The following CHST11 variants were observed in gnomAD, a reference collection of about 807,000 sequenced individuals.
CHST11 encodes the protein C4S-1.
A neutral mutation model predicts 30.4 loss-of-function variants in CHST11; 9 were observed. The observed-to-expected ratio is 0.30, with a 90% CI of 0.18 to 0.52. CHST11 has a LOEUF of 0.52. CHST11 is among the 20% of genes least tolerant of loss of function. The probability of loss-of-function intolerance (pLI) is 0.97; values close to 1 mark genes in which losing one functional copy is unlikely to be tolerated. For missense variants in CHST11, 348 were observed against 460.6 expected, an observed-to-expected ratio of 0.76 and a Z score of 2.24; for synonymous variants, 152 against 187.8, an observed-to-expected ratio of 0.81 and a Z score of 1.56.
At chr12:104,670,150 G>A (rs1032598421) in intron 2 of CHST11, among the ~76,000 whole-genome samples, 1 of 152,218 alleles carries the variant, frequency 6.6e-6, no homozygotes, top group African/African-American at 2.4e-5. Context: ...TGGCCTCACA[G>A]GGAGAGGGAG....
chr12:104,542,633 T>A (rs974440218), intron 1 of CHST11, among the ~76,000 whole-genome samples: 1 of 152,248 alleles, frequency 6.6e-6, no homozygotes, highest in Non-Finnish European at 1.5e-5. Flanking sequence ...GGAGCCCCAG[T>A]GTCCAGCACA....
intron 1 of CHST11, among the ~76,000 whole-genome samples, chr12:104,558,985 T>G (rs2038487267): frequency 6.6e-6 from 1 of 151,614 alleles, no homozygotes; most frequent in African/African-American, 2.4e-5. Flanking sequence ...CATTCTCCAT[T>G]GGAGGTGGGT....
At chr12:104,678,409 A>T (rs2039762900) in intron 2 of CHST11, among the ~76,000 whole-genome samples, 2 of 152,238 alleles carry the variant, frequency 1.3e-5, no homozygotes, top group African/African-American at 4.8e-5. Flanking sequence ...TGCCTAACAA[A>T]TGAAGGGCAT....
intron 2 of CHST11, among the ~76,000 whole-genome samples, chr12:104,602,959 C>G (rs1252997829): frequency 6.6e-6 from 1 of 152,126 alleles, no homozygotes; most frequent in Non-Finnish European, 1.5e-5. Flanking sequence ...CACCTGCACT[C>G]CCTTCTGGAA....
Position 104,518,343 on chromosome 12 carries a change from G to A in CHST11, c.118+60814G>A, listed in dbSNP as rs112029227. On this transcript the variant is annotated intron_variant, in intron 1 of 2. Transcript: ENST00000303694. ...TTGAGTTAGCAAGTATGACAGGAGC[G>A]CGTGAGTAGGAAGGAGGGAAGATTC... 1.4e-3 allele frequency among the ~76,000 whole-genome samples: 220 copies of A among 152,204 alleles called. 1 individual carries two copies. The highest frequency in any genetic ancestry group is 5.0e-3 in the African/African-American group (206 of 41,534).
intron 2 of CHST11, among the ~76,000 whole-genome samples, chr12:104,668,979 G>A (rs1049336238): frequency 1.3e-5 from 2 of 151,750 alleles, no homozygotes; most frequent in Non-Finnish European, 2.9e-5. Context: ...CTGGGTTCCA[G>A]AAATGAAGGC....
In CHST11 at chr12:104,590,191, A is replaced by G. The variant is rs74583898; in HGVS notation, c.119-11715A>G. 8.5e-3 allele frequency among the ~76,000 whole-genome samples: 1,284 copies of G among 151,890 alleles called. 20 individuals are homozygous for G. The highest frequency in any genetic ancestry group is 0.029 in the African/African-American group (1,214 of 41,408). On this transcript the variant is annotated intron_variant, in intron 1 of 2. Coordinates refer to ENST00000303694, the MANE Select transcript of CHST11 (RefSeq NM_018413.6). Reference sequence around the variant, plus strand: ...CAGATGGCCTGCACGTGCGCTGTCTATGTGCGCACCTGTTCCTCATGTCTA... The same window carrying G: ...CAGATGGCCTGCACGTGCGCTGTCTGTGTGCGCACCTGTTCCTCATGTCTA...
chr12:104,599,085 A>G (rs2038933848), intron 1 of CHST11, among the ~76,000 whole-genome samples: 1 of 152,200 alleles, frequency 6.6e-6, no homozygotes, highest in African/African-American at 2.4e-5. Context: ...TGCCTGTTGC[A>G]TAGCGAGCAC....
chr12:104,614,476 T>C (rs2039088821), intron 2 of CHST11, among the ~76,000 whole-genome samples: 1 of 152,158 alleles, frequency 6.6e-6, no homozygotes, highest in South Asian at 2.1e-4. Flanking sequence ...GCCCAGGAAT[T>C]CAAGGCAACA....
chr12:104,695,138 G>A (rs1002527417), intron 2 of CHST11, among the ~76,000 whole-genome samples: 3 of 152,198 alleles, frequency 2.0e-5, no homozygotes, highest in Non-Finnish European at 4.4e-5. Flanking sequence ...CAAGCAACAG[G>A]ATTTCTTTGA....
chr12:104,630,199 C>T (rs1192140803), intron 2 of CHST11, among the ~76,000 whole-genome samples: 1 of 152,196 alleles, frequency 6.6e-6, no homozygotes, highest in Non-Finnish European at 1.5e-5. Context: ...TGTCCACACT[C>T]AAAGGGTATT....
At chr12:104,643,010 A>C (rs780148900) in intron 2 of CHST11, among the ~76,000 whole-genome samples, 63 of 152,168 alleles carry the variant, frequency 4.1e-4, no homozygotes, top group Non-Finnish European at 7.3e-4. Context: ...GGTTTTGTAC[A>C]TTTCATTTAC....
intron 2 of CHST11, among the ~76,000 whole-genome samples, chr12:104,690,418 T>C (rs1225249243): frequency 6.6e-6 from 1 of 152,184 alleles, no homozygotes. Flanking sequence ...TCTTGTTGGG[T>C]AGGAATAAAA....
intron 2 of CHST11, among the ~76,000 whole-genome samples, chr12:104,726,471 G>A (rs900533300): frequency 6.6e-6 from 1 of 152,172 alleles, no homozygotes; most frequent in Non-Finnish European, 1.5e-5. Flanking sequence ...GCCTGGAATT[G>A]GTACCTGGTA....
chr12:104,707,401 G>GA (rs537458509), intron 2 of CHST11, among the ~76,000 whole-genome samples: 4 of 152,038 alleles, frequency 2.6e-5, no homozygotes, highest in Admixed American at 6.6e-5. Flanking sequence ...AAGTGAAATA[G>GA]AAAAAATAAA....
intron 2 of CHST11, among the ~76,000 whole-genome samples, chr12:104,630,490 G>A (rs1169165498): frequency 6.6e-6 from 1 of 152,234 alleles, no homozygotes; most frequent in Admixed American, 6.5e-5. Flanking sequence ...TCCCAGCTTA[G>A]AAATGCAGTC....
At chr12:104,630,711 T>C (rs2039262007) in intron 2 of CHST11, among the ~76,000 whole-genome samples, 2 of 152,238 alleles carry the variant, frequency 1.3e-5, no homozygotes, top group African/African-American at 4.8e-5. Context: ...CCTATTTTAG[T>C]TCGTTTCATG....
chr12:104,626,121 T>G (rs951383976), intron 2 of CHST11, among the ~76,000 whole-genome samples: 4 of 152,198 alleles, frequency 2.6e-5, no homozygotes, highest in African/African-American at 9.6e-5. Context: ...GGAGTCTTAT[T>G]TGTTTGTGAA....
At chr12:104,522,809 C>T (rs78595852) in intron 1 of CHST11, among the ~76,000 whole-genome samples, 6,033 of 152,082 alleles carry the variant, frequency 0.04, 376 homozygotes, top group African/African-American at 0.14. Context: ...AAGGCTCCCC[C>T]TGTGCTATTT....
Sources: gnomAD v4.1 joint callset for allele counts (sites outside exome capture counted in the v4.1 genomes callset) on GRCh38, gnomAD v4.1.1 for gene constraint, MANE v1.5 for transcripts, NCBI Gene and HGNC (gene_info 2026-07-23, HGNC 2026-07-21) for gene names.